The following MCM9 variants were observed in gnomAD, a reference collection of about 807,000 sequenced individuals.
The protein encoded by MCM9 is DNA helicase MCM9.
MCM9 carries 55 observed loss-of-function variants against 72.8 expected under a neutral mutation model. The observed-to-expected ratio is 0.76, with a 90% CI of 0.61 to 0.95. The LOEUF (loss-of-function observed/expected upper bound fraction) is 0.95, where lower values mean the gene tolerates loss of function less well. Ranked by LOEUF, MCM9 falls within the 40% of genes least tolerant of loss-of-function variation. The pLI, the probability that MCM9 is intolerant of heterozygous loss-of-function variation, is 0.00. For missense variants in MCM9, 1,279 were observed against 1,377.0 expected (o/e 0.93, Z 1.13); for synonymous variants, 480 against 503.4 (o/e 0.95, Z 0.62).
At chr6:118,865,329 A>C (rs775183343) in intron 8 of MCM9, among the ~76,000 whole-genome samples, 1 of 152,200 alleles carries the variant, frequency 6.6e-6, no homozygotes, top group Non-Finnish European at 1.5e-5. Context: ...TTTATGCCAC[A>C]TATCAAGTGC....
intron 8 of MCM9, among the ~76,000 whole-genome samples, chr6:118,883,651 C>T (rs757735877): frequency 2.0e-5 from 3 of 151,578 alleles, no homozygotes; most frequent in Non-Finnish European, 4.4e-5. Context: ...TAATCAGAAA[C>T]AGTGGAGGCC....
intron 13 of MCM9, among the ~76,000 whole-genome samples, chr6:118,817,023 C>T (rs181509929): frequency 2.6e-5 from 4 of 151,990 alleles, no homozygotes; most frequent in African/African-American, 4.8e-5. Flanking sequence ...TTACTTTCTA[C>T]GAATGAAAGA....
chr6:118,827,096 T>G (rs975839676), intron 11 of MCM9, among the ~76,000 whole-genome samples: 1 of 152,206 alleles, frequency 6.6e-6, no homozygotes, highest in African/African-American at 2.4e-5. Context: ...GAAAAAGTAC[T>G]CTGGGCTCTA....
At chr6:118,923,680 G>A (rs7746114) in intron 4 of MCM9, 131 bp downstream of exon 4, 673,654 of 778,090 alleles carry the variant, frequency 0.87, 292,163 homozygotes, top group African/African-American at 0.96. Context: ...GAACAGTTTC[G>A]AGCTTGATCT....
chr6:118,865,132 C>T (rs1177899648), intron 8 of MCM9, among the ~76,000 whole-genome samples: 4 of 152,178 alleles, frequency 2.6e-5, no homozygotes, highest in African/African-American at 9.7e-5. Flanking sequence ...TTACAGCTCC[C>T]ACTCAACGGA....
Position 118,829,195 on chromosome 6 carries a change from C to G in MCM9, c.1381G>C (p.Gly461Arg). 2 of 1,550,672 alleles carry G rather than the reference C, an allele frequency of 1.3e-6. No homozygotes were observed. Among genetic ancestry groups the G allele is most frequent in the Non-Finnish European group, 1.7e-6 (2 of 1,147,000 alleles). The change falls in exon 10 of 14, where the codon GGC becomes CGC. Residue 461 changes from glycine (G) to arginine (R), a missense_variant. By Grantham distance (125) the Gly-to-Arg change is moderately radical (BLOSUM62 -2). Transcript: ENST00000619706. ...ACGGACTCCTGGGGGTCGTACTGGC[C>G]TTTGGGGTTCGTTGCTGCCAGGATG... ...TTILAATNPK[G>R]QYDPQESVSV...
rs141515987 is a variant in MCM9 at position 118,875,870 on chromosome 6, T to G, written c.1151-19325A>C. 8.9e-3 allele frequency among the ~76,000 whole-genome samples: 1,350 copies of G among 152,242 alleles called. 23 individuals are homozygous for G. The highest frequency in any genetic ancestry group is 0.044 in the East Asian group (228 of 5,166). Reference sequence around the variant, plus strand: ...GATCGTTACCATACAACCCAGCAGCTGTGCTCCATGGTGTTTACATAAGGC... The same window carrying G: ...GATCGTTACCATACAACCCAGCAGCGGTGCTCCATGGTGTTTACATAAGGC... On this transcript the variant is annotated intron_variant, in intron 8 of 13. Transcript: ENST00000619706.
rs144205315 is a variant in MCM9, at chr6:118,883,267, T to C, written c.1151-26722A>G. 1.8e-3 allele frequency among the ~76,000 whole-genome samples: 275 copies of C among 151,494 alleles called. 1 individual carries two copies. The highest frequency in any genetic ancestry group is 0.01 in the Middle Eastern group (3 of 294). On this transcript the variant is annotated intron_variant, in intron 8 of 13. Coordinates refer to ENST00000619706, the MANE Select transcript of MCM9 (RefSeq NM_017696.3). ...AAAAGTCAGCAAACTTTAAGAGAGA[T>C]CAGTTGAAATTATGCAATCCAAAGA...
At chr6:118,826,912 A>ATTAC in intron 11 of MCM9, 48 bp from the exon 12 acceptor site, 1 of 1,436,480 alleles carries the variant, frequency 7.0e-7, no homozygotes, top group Non-Finnish European at 9.5e-7. Context: ...TGAGGTGAGA[A>ATTAC]ATGTAATTCT....
At chr6:118,899,071 G>A (rs553815140) in intron 8 of MCM9, among the ~76,000 whole-genome samples, 83 of 152,190 alleles carry the variant, frequency 5.5e-4, no homozygotes, top group South Asian at 1.7e-3. Context: ...TTCATCTTCA[G>A]GATTTTATCC....
intron 8 of MCM9, among the ~76,000 whole-genome samples, chr6:118,902,343 TA>T (rs1223642666): frequency 2.6e-5 from 4 of 152,180 alleles, no homozygotes; most frequent in Non-Finnish European, 1.5e-5. Flanking sequence ...TAAAACAGTA[TA>T]ATCAGTCACT....
chr6:118,906,500 A>G (rs1019377649), intron 8 of MCM9, among the ~76,000 whole-genome samples: 1 of 152,222 alleles, frequency 6.6e-6, no homozygotes, highest in African/African-American at 2.4e-5. Flanking sequence ...TGTTGTACTA[A>G]TTATTCAATG....
chr6:118,898,311 T>A (rs1200154293), intron 8 of MCM9, among the ~76,000 whole-genome samples: 2 of 152,206 alleles, frequency 1.3e-5, no homozygotes, highest in Non-Finnish European at 2.9e-5. Context: ...AAATTATGGC[T>A]ATGTTCCTAT....
rs951775146 is a variant in MCM9, at chr6:118,814,616, G to A, written c.*208C>T. Reference sequence around the variant, plus strand: ...ACAACATAATTAATTCAGCTCAGCTGCTGGTATCACACTGACCTCAACTGA... The same window carrying A: ...ACAACATAATTAATTCAGCTCAGCTACTGGTATCACACTGACCTCAACTGA... On this transcript the variant is annotated 3_prime_UTR_variant, in exon 14 of 14. Transcript: ENST00000619706. 5.1e-5 allele frequency: 21 copies of A among 413,670 alleles called. No homozygotes were observed. Among genetic ancestry groups the A allele is most frequent in the Non-Finnish European group, 8.5e-5 (20 of 236,568 alleles). 25.6% of individuals were successfully genotyped at this position (413,670 alleles called of 1,614,324 possible).
At chr6:118,883,464 T>C (rs920427709) in intron 8 of MCM9, among the ~76,000 whole-genome samples, 1 of 139,310 alleles carries the variant, frequency 7.2e-6, no homozygotes, top group African/African-American at 2.6e-5. Context: ...TGAAAAACAA[T>C]GGACTATACA....
intron 11 of MCM9, among the ~76,000 whole-genome samples, 174 bp downstream of exon 11, chr6:118,827,753 A>C (rs1481419260): frequency 6.6e-6 from 1 of 152,144 alleles, no homozygotes; most frequent in Non-Finnish European, 1.5e-5. Context: ...CAATACTCAT[A>C]ATCTGTCCTC....
rs1034172825 is a variant in MCM9, at chr6:118,898,709, C to T, written c.1150+12941G>A. Reference sequence around the variant, plus strand: ...CTGGGATTACAGGCGTGAGCCACTGCGCCCAGCCACTCTATGTGATAATTC... The same window carrying T: ...CTGGGATTACAGGCGTGAGCCACTGTGCCCAGCCACTCTATGTGATAATTC... On this transcript the variant is annotated intron_variant, in intron 8 of 13. Coordinates refer to ENST00000619706, the MANE Select transcript of MCM9 (RefSeq NM_017696.3). Among the ~76,000 whole-genome samples, 5 of 152,188 alleles carry T rather than the reference C, an allele frequency of 3.3e-5. No homozygotes were observed. The South Asian group carries it at 8.3e-4, about 25-fold the overall frequency.
chr6:118,905,886 GC>G, intron 8 of MCM9: 1 of 1,319,998 alleles, frequency 7.6e-7, no homozygotes, highest in Non-Finnish European at 1.0e-6. Context: ...TAAAGCAGTT[GC>G]TATTGCAATT....
At chr6:118,878,116 A>G (rs1406533027) in intron 8 of MCM9, among the ~76,000 whole-genome samples, 2 of 152,106 alleles carry the variant, frequency 1.3e-5, no homozygotes, top group East Asian at 3.9e-4. Flanking sequence ...GAGCTATGAT[A>G]ACACTACTGC....
Sources: gnomAD v4.1 joint callset for allele counts (sites outside exome capture counted in the v4.1 genomes callset) on GRCh38, gnomAD v4.1.1 for gene constraint, MANE v1.5 for transcripts, NCBI Gene and HGNC (gene_info 2026-07-23, HGNC 2026-07-21) for gene names.